DAB2IP: variants seen among roughly 807,000 people sequenced by gnomAD.
The protein encoded by DAB2IP is disabled homolog 2-interacting protein.
Under a neutral mutation model 107.2 loss-of-function variants are expected in DAB2IP, and 28 were observed. The observed-to-expected ratio is 0.26, with a 90% CI of 0.19 to 0.36. DAB2IP has a LOEUF of 0.36. DAB2IP is among the 10% of genes least tolerant of loss of function. The probability of loss-of-function intolerance (pLI) is 1.00; values close to 1 mark genes in which losing one functional copy is unlikely to be tolerated. For missense variants in DAB2IP, 1,400 were observed against 1,644.7 expected, an observed-to-expected ratio of 0.85 and a Z score of 2.57; for synonymous variants, 755 against 706.4, an observed-to-expected ratio of 1.07 and a Z score of -1.09.
At chr9:121,652,501 C>T (rs1181879918) in intron 1 of DAB2IP, among the ~76,000 whole-genome samples, 5 of 152,110 alleles carry the variant, frequency 3.3e-5, no homozygotes, top group Non-Finnish European at 5.9e-5. Flanking sequence ...GCGTGTGATC[C>T]CGGGGGCTGC....
exon 12 of DAB2IP, chr9:121,773,241 G>A (rs772267307): frequency 1.3e-6 from 2 of 1,551,900 alleles, no homozygotes; most frequent in Admixed American, 1.9e-5. Flanking sequence ...GCAGCCCACG[G>A]TGCCACGGCA....
At chr9:121,737,195 C>G (rs1446295510) in intron 3 of DAB2IP, 1 of 985,280 alleles carries the variant, frequency 1.0e-6, no homozygotes, top group East Asian at 1.1e-4. Flanking sequence ...TGGCCTGCAC[C>G]CTGCCCAGAG....
chr9:121,715,336 T>C (rs1301760300), intron 3 of DAB2IP, among the ~76,000 whole-genome samples: 2 of 151,150 alleles, frequency 1.3e-5, no homozygotes, highest in Non-Finnish European at 2.9e-5. Flanking sequence ...GTTTTCTTTT[T>C]CTTTTTCTTT....
Position 121,651,765 on chromosome 9 carries a change from C to A in DAB2IP, c.-11C>A. 7 of 1,345,074 alleles carry A rather than the reference C, an allele frequency of 5.2e-6. No homozygotes were observed. Among genetic ancestry groups the A allele is most frequent in the Non-Finnish European group, 4.8e-6 (5 of 1,043,304 alleles). 83.3% of individuals were successfully genotyped at this position (1,345,074 alleles called of 1,614,324 possible). On this transcript the variant is annotated 5_prime_UTR_variant, in exon 1 of 16. Transcript: ENST00000408936. This position sits in a 1 kb window ranked among gnomAD's most constrained non-coding sequence, Gnocchi z 5.1. ...CGCCCAGGCCCGGCCCGGTGCCCGG[C>A]GGGCGGCAGCATGTCCGCGGGCGGC...
At chr9:121,593,737 G>A (rs1471897836) in intron 1 of DAB2IP, among the ~76,000 whole-genome samples, 2 of 145,038 alleles carry the variant, frequency 1.4e-5, no homozygotes, top group Admixed American at 1.4e-4. Context: ...GCATAATCTC[G>A]GCTCACTGCA....
In DAB2IP at chr9:121,699,163, G is replaced by T. The variant is rs1003010451; in HGVS notation, c.229-162G>T. On this transcript the variant is annotated intron_variant, in intron 2 of 15. Coordinates refer to ENST00000408936, the Ensembl canonical transcript of DAB2IP. This position sits in a 1 kb window ranked among gnomAD's most constrained non-coding sequence, Gnocchi z 6.2. ...GCCGGGCCGTCGGCGCTCGGTCGGC[G>T]GGCGGGCGGCGCGGGCCGCGAGCTG... 1.1e-4 allele frequency among the ~76,000 whole-genome samples: 16 copies of T among 145,054 alleles called. No individual in the cohort carries two copies. The East Asian group carries it at 2.6e-3, about 24-fold the overall frequency.
At chr9:121,777,307 C>G (rs931324870) in intron 14 of DAB2IP, among the ~76,000 whole-genome samples, 1 of 152,222 alleles carries the variant, frequency 6.6e-6, no homozygotes, top group East Asian at 1.9e-4. Context: ...TCCCAGATTC[C>G]TCCTATTTAG....
At chr9:121,608,542 G>T (rs141709132) in intron 1 of DAB2IP, among the ~76,000 whole-genome samples, 1 of 152,072 alleles carries the variant, frequency 6.6e-6, no homozygotes, top group Admixed American at 6.6e-5. Context: ...GCAGGAGTTG[G>T]GGGGGTAAGG....
intron 1 of DAB2IP, among the ~76,000 whole-genome samples, chr9:121,603,822 T>A (rs1416714398): frequency 6.6e-6 from 1 of 152,200 alleles, no homozygotes; most frequent in African/African-American, 2.4e-5. Context: ...TCTGTCTGCA[T>A]TTCCTGTCTG....
chr9:121,765,262 T>G (rs1834199445), intron 8 of DAB2IP, among the ~76,000 whole-genome samples: 1 of 152,128 alleles, frequency 6.6e-6, no homozygotes, highest in African/African-American at 2.4e-5. Flanking sequence ...TTGTGGACAG[T>G]GATTTTCCAT....
chr9:121,577,784 C>T (rs1414559301), intron 1 of DAB2IP, among the ~76,000 whole-genome samples: 3 of 152,120 alleles, frequency 2.0e-5, no homozygotes, highest in African/African-American at 4.8e-5. Flanking sequence ...CGGTGGAGGG[C>T]GGGGACCTCA....
At chr9:121,737,929 TG>T (rs1714845611) in intron 3 of DAB2IP, among the ~76,000 whole-genome samples, 1 of 150,804 alleles carries the variant, frequency 6.6e-6, no homozygotes, top group Admixed American at 6.6e-5. Context: ...GGGGACTGAA[TG>T]GGGGACTCCC....
chr9:121,763,688 G>T, intron 7 of DAB2IP, 39 bp downstream of exon 7: 1 of 1,611,842 alleles, frequency 6.2e-7, no homozygotes, highest in Non-Finnish European at 8.5e-7. Context: ...GGGTGGGGCA[G>T]GGCCCGCCAG....
chr9:121,750,424 G>C (rs1833033056), intron 3 of DAB2IP, among the ~76,000 whole-genome samples: 1 of 152,228 alleles, frequency 6.6e-6, no homozygotes, highest in African/African-American at 2.4e-5. Flanking sequence ...CATGCAGCAT[G>C]TCTTAAAGGG....
At position 121,770,816 on chromosome 9, in the gene DAB2IP, A is replaced by C. The variant is rs1834665519; in HGVS notation, c.2078+92A>C. On this transcript the variant is annotated intron_variant, in intron 11 of 15. Transcript: ENST00000408936. The stretch of plus-strand genomic sequence containing the variant: ...TCTCAGATGGGGAAAGAGGATGCCT[A>C]CATAGTGTTTATAAAACAAGCCTGG... 4.0e-6 allele frequency: 6 copies of C among 1,490,776 alleles called. No individual in the cohort carries two copies. The South Asian group carries it at 7.8e-5, about 19-fold the overall frequency. 92.3% of individuals were successfully genotyped at this position (1,490,776 alleles called of 1,614,324 possible).
chr9:121,676,945 T>C (rs1833942465), intron 1 of DAB2IP, among the ~76,000 whole-genome samples: 1 of 152,220 alleles, frequency 6.6e-6, no homozygotes, highest in Non-Finnish European at 1.5e-5. Context: ...GGAGGTTTTA[T>C]GTAGGTGTGC....
intron 1 of DAB2IP, among the ~76,000 whole-genome samples, chr9:121,621,864 A>G (rs1831479664): frequency 6.6e-6 from 1 of 150,672 alleles, no homozygotes; most frequent in African/African-American, 2.4e-5. Flanking sequence ...CATATTGGCC[A>G]GGCTGGTCTC....
At chr9:121,781,695 C>A (rs1835668042) in intron 15 of DAB2IP, 144 bp downstream of exon 15, 1 of 808,858 alleles carries the variant, frequency 1.2e-6, no homozygotes, top group Non-Finnish European at 2.0e-6. Flanking sequence ...GAAGTCAGAC[C>A]TGTGGTCTTA....
At chr9:121,744,116 C>G (rs1832548765) in intron 3 of DAB2IP, among the ~76,000 whole-genome samples, 1 of 152,196 alleles carries the variant, frequency 6.6e-6, no homozygotes, top group African/African-American at 2.4e-5. Flanking sequence ...GGCCTTTGCT[C>G]TGAGTGGCCG....
Sources: allele counts gnomAD v4.1 joint callset (sites outside exome capture counted in the v4.1 genomes callset), GRCh38; gene constraint gnomAD v4.1.1; non-coding constraint Gnocchi (gnomAD v3.1); transcripts MANE v1.5; gene names NCBI Gene and HGNC (gene_info 2026-07-23, HGNC 2026-07-21).